BCO2: variants seen among roughly 807,000 people sequenced by gnomAD.
BCO2 encodes carotenoid-cleaving dioxygenase, mitochondrial.
Under a neutral mutation model 65.8 loss-of-function variants are expected in BCO2, and 56 were observed. That is an observed-to-expected ratio of 0.85 (90% CI 0.69 to 1.06). BCO2 has a LOEUF of 1.06. Ranked by LOEUF, BCO2 falls within the 50% of genes least tolerant of loss-of-function variation. The pLI, the probability that BCO2 is intolerant of heterozygous loss-of-function variation, is 0.00. For synonymous variants in BCO2, 233 were observed against 242.3 expected, an observed-to-expected ratio of 0.96 and a Z score of 0.36; for missense variants, 675 against 698.5, an observed-to-expected ratio of 0.97 and a Z score of 0.38.
chr11:112,208,030 G>A (rs796184286), intron 8 of BCO2, among the ~76,000 whole-genome samples: 5 of 151,318 alleles, frequency 3.3e-5, no homozygotes, highest in African/African-American at 1.2e-4. Context: ...TGTGATCTCA[G>A]CTCACTGCAA....
intron 6 of BCO2, 131 bp downstream of exon 6, chr11:112,199,958 G>C: frequency 9.2e-7 from 1 of 1,087,118 alleles, no homozygotes; most frequent in Non-Finnish European, 1.3e-6. Context: ...GTTGCATTTT[G>C]ATGCCAGGTA....
At chr11:112,212,899 C>T (rs1008923518) in intron 8 of BCO2, among the ~76,000 whole-genome samples, 1 of 152,108 alleles carries the variant, frequency 6.6e-6, no homozygotes, top group African/African-American at 2.4e-5. Context: ...ACACTCTTAT[C>T]AGACAGAACA....
chr11:112,205,586 C>T (rs1867845473), intron 8 of BCO2, among the ~76,000 whole-genome samples: 1 of 152,188 alleles, frequency 6.6e-6, no homozygotes, highest in African/African-American at 2.4e-5. Context: ...TCCCAAGTAG[C>T]TGGGTCTACA....
chr11:112,181,848 T>A, intron 2 of BCO2: 1 of 962,638 alleles, frequency 1.0e-6, no homozygotes. Flanking sequence ...TCTTTGCTGT[T>A]CAAATCTTGA....
chr11:112,181,787 C>T, intron 2 of BCO2: 1 of 830,820 alleles, frequency 1.2e-6, no homozygotes. Flanking sequence ...ACCTTCGATA[C>T]ATTCACTTCA....
intron 2 of BCO2, among the ~76,000 whole-genome samples, chr11:112,191,116 A>C (rs541784075): frequency 1.3e-4 from 19 of 151,828 alleles, no homozygotes; most frequent in East Asian, 1.2e-3. Context: ...ACTGTTCAAC[A>C]TTGTACCAGA....
intron 2 of BCO2, among the ~76,000 whole-genome samples, chr11:112,193,046 C>T (rs1867444836): frequency 6.9e-6 from 1 of 145,014 alleles, no homozygotes; most frequent in Non-Finnish European, 1.5e-5. Context: ...GGCGCGATCT[C>T]GGCTCACTGC....
intron 8 of BCO2, among the ~76,000 whole-genome samples, chr11:112,207,688 T>C (rs1012025410): frequency 1.3e-5 from 2 of 152,216 alleles, no homozygotes; most frequent in African/African-American, 4.8e-5. Context: ...CACACAAAAA[T>C]ATGGTCACAT....
chr11:112,180,821 G>A lies in BCO2; in HGVS notation c.293+1339G>A, dbSNP rs1221257004. The stretch of plus-strand genomic sequence containing the variant: ...GAACGGCAGCCCCAAGAACGGAAAG[G>A]TAGTTGTTGTATATGGAACTTTATC... On this transcript the variant is annotated intron_variant, in intron 2 of 11. Transcript: ENST00000357685. The A allele has an allele frequency of 2.4e-5, 25 of 1,048,434 alleles. No individual in the cohort carries two copies. The Middle Eastern group carries it at 9.0e-4, about 38-fold the overall frequency. 64.9% of individuals were successfully genotyped at this position (1,048,434 alleles called of 1,614,324 possible).
At chr11:112,202,429 C>T (rs553531396) in intron 8 of BCO2, among the ~76,000 whole-genome samples, 12 of 152,106 alleles carry the variant, frequency 7.9e-5, no homozygotes, top group Middle Eastern at 3.4e-3. Context: ...ATTATAGGCA[C>T]GCACCACCAT....
intron 5 of BCO2, among the ~76,000 whole-genome samples, chr11:112,195,593 C>A (rs1867549203): frequency 6.6e-6 from 1 of 152,118 alleles, no homozygotes; most frequent in African/African-American, 2.4e-5. Flanking sequence ...CAGGTGCTTG[C>A]CACCATGCCC....
At chr11:112,184,376 C>G (rs983477480) in intron 2 of BCO2, among the ~76,000 whole-genome samples, 2 of 151,922 alleles carry the variant, frequency 1.3e-5, no homozygotes, top group Admixed American at 6.6e-5. Context: ...CCTCAGCCTC[C>G]CGAGTAGCTG....
At chr11:112,183,430 C>T (rs970711292) in intron 2 of BCO2, among the ~76,000 whole-genome samples, 3 of 152,098 alleles carry the variant, frequency 2.0e-5, no homozygotes, top group African/African-American at 7.2e-5. Flanking sequence ...GATATTGCTG[C>T]TTTTTGAACG....
At chr11:112,198,643 G>A (rs549435656) in intron 5 of BCO2, among the ~76,000 whole-genome samples, 28 of 152,124 alleles carry the variant, frequency 1.8e-4, no homozygotes, top group African/African-American at 5.8e-4. Flanking sequence ...GGATATCTGC[G>A]TTGATTCTTG....
chr11:112,196,959 TCCC>T, intron 5 of BCO2, among the ~76,000 whole-genome samples: 1 of 139,910 alleles, frequency 7.1e-6, no homozygotes, highest in African/African-American at 2.6e-5. Flanking sequence ...TCCCTTCCCT[TCCC>T]TTCTTTCCCT....
At chr11:112,189,654 G>A (rs1038491914) in intron 2 of BCO2, among the ~76,000 whole-genome samples, 2 of 151,952 alleles carry the variant, frequency 1.3e-5, no homozygotes, top group South Asian at 2.1e-4. Flanking sequence ...CGCCTGCCTC[G>A]GCCTCCCAAA....
chr11:112,213,148 T>C (rs1469321064), intron 8 of BCO2, among the ~76,000 whole-genome samples: 1 of 130,744 alleles, frequency 7.6e-6, no homozygotes, highest in Non-Finnish European at 1.6e-5. Context: ...TTTTTTTTTT[T>C]TTTTTTTTTT....
At chr11:112,182,275 T>C (rs1180834431) in intron 2 of BCO2, among the ~76,000 whole-genome samples, 1 of 152,144 alleles carries the variant, frequency 6.6e-6, no homozygotes. Flanking sequence ...AGTTCAACCA[T>C]TGTGGAAGAC....
In BCO2 at chr11:112,217,883, C is replaced by G. The variant is rs778246806; in HGVS notation, c.*9C>G. 2.5e-6 allele frequency: 4 copies of G among 1,570,104 alleles called. No individual in the cohort carries two copies. Among genetic ancestry groups the G allele is most frequent in the South Asian group, 1.1e-5 (1 of 88,176 alleles). ...CCTTCATACCCATCTGATGGGACAA[C>G]CACAAGGTCTGGAAACTAGGTTTAA... On this transcript the variant is annotated 3_prime_UTR_variant, in exon 12 of 12. Transcript: ENST00000357685.
Sources: gnomAD v4.1 joint callset for allele counts (sites outside exome capture counted in the v4.1 genomes callset) on GRCh38, gnomAD v4.1.1 for gene constraint, MANE v1.5 for transcripts, NCBI Gene and HGNC (gene_info 2026-07-23, HGNC 2026-07-21) for gene names.